Variants in PRKN observed in about 807,000 individuals in gnomAD.
The protein encoded by PRKN is parkin RBR E3 ubiquitin protein ligase.
In PRKN, 56 loss-of-function variants were observed where a neutral mutation model predicts 59.5. The observed-to-expected ratio is 0.94, with a 90% CI of 0.76 to 1.18. The LOEUF (loss-of-function observed/expected upper bound fraction) is 1.18, where lower values mean the gene tolerates loss of function less well. Ranked by LOEUF, PRKN falls within the 50% of genes most tolerant of loss-of-function variation. The pLI is 0.00. For synonymous variants in PRKN, 250 were observed against 222.1 expected, an observed-to-expected ratio of 1.13 and a Z score of -1.12; for missense variants, 657 against 596.4, an observed-to-expected ratio of 1.10 and a Z score of -1.06.
At chr6:162,212,153 CA>C (rs1785229415) in intron 3 of PRKN, among the ~76,000 whole-genome samples, 1 of 152,102 alleles carries the variant, frequency 6.6e-6, no homozygotes. Flanking sequence ...AGACCTCACT[CA>C]GGGGCCGCCT....
intron 1 of PRKN, among the ~76,000 whole-genome samples, chr6:162,542,050 C>T (rs989578717): frequency 1.3e-5 from 2 of 152,070 alleles, no homozygotes; most frequent in Non-Finnish European, 2.9e-5. Context: ...ATATTGACTG[C>T]AGAAGTGATA....
At chr6:161,508,649 T>C (rs1218762631) in intron 9 of PRKN, among the ~76,000 whole-genome samples, 1 of 152,120 alleles carries the variant, frequency 6.6e-6, no homozygotes, top group East Asian at 1.9e-4. Context: ...ACTTCATAAA[T>C]CCAATTCCTC....
At chr6:162,227,240 C>G (rs1410274926) in intron 3 of PRKN, among the ~76,000 whole-genome samples, 1 of 152,188 alleles carries the variant, frequency 6.6e-6, no homozygotes, top group African/African-American at 2.4e-5. Flanking sequence ...CATCCACACC[C>G]TTTACTCATT....
chr6:161,943,479 G>A (rs1779640082), intron 6 of PRKN, among the ~76,000 whole-genome samples: 1 of 152,284 alleles, frequency 6.6e-6, no homozygotes, highest in Non-Finnish European at 1.5e-5. Flanking sequence ...ATATTTTGAA[G>A]GAATATAACA....
chr6:162,309,185 G>C (rs1413553818), intron 2 of PRKN, among the ~76,000 whole-genome samples: 1 of 152,030 alleles, frequency 6.6e-6, no homozygotes, highest in African/African-American at 2.4e-5. Flanking sequence ...CACAACAACA[G>C]AGTCTCACTC....
intron 2 of PRKN, among the ~76,000 whole-genome samples, chr6:162,437,017 G>A (rs1261456957): frequency 3.3e-5 from 5 of 152,002 alleles, no homozygotes; most frequent in South Asian, 2.1e-4. Flanking sequence ...GCTTGAACCC[G>A]GGAGGCGGAG....
chr6:161,879,979 A>T (rs1438503414), intron 6 of PRKN, among the ~76,000 whole-genome samples: 1 of 152,166 alleles, frequency 6.6e-6, no homozygotes, highest in Non-Finnish European at 1.5e-5. Context: ...GAATAAAGGA[A>T]ATTCTGTCAA....
chr6:161,893,886 C>T (rs1013650797), intron 6 of PRKN, among the ~76,000 whole-genome samples: 3 of 152,166 alleles, frequency 2.0e-5, no homozygotes, highest in Non-Finnish European at 4.4e-5. Context: ...TTCTCCTCGA[C>T]GGATCTGGGT....
At chr6:161,999,877 T>G (rs986617712) in intron 5 of PRKN, among the ~76,000 whole-genome samples, 1 of 152,200 alleles carries the variant, frequency 6.6e-6, no homozygotes, top group East Asian at 1.9e-4. Flanking sequence ...AATGATGAAC[T>G]GAGTTACTAG....
chr6:162,524,645 C>T (rs1174759358), intron 1 of PRKN, among the ~76,000 whole-genome samples: 1 of 152,156 alleles, frequency 6.6e-6, no homozygotes, highest in Non-Finnish European at 1.5e-5. Context: ...TAGCTACATA[C>T]AATTCATTTA....
intron 2 of PRKN, among the ~76,000 whole-genome samples, chr6:162,367,795 G>A (rs1279089582): frequency 1.3e-5 from 2 of 152,114 alleles, no homozygotes; most frequent in East Asian, 1.9e-4. Context: ...AAAAGGGATA[G>A]AATGAGATTA....
chr6:161,760,458 G>A lies in PRKN; in HGVS notation c.871+25314C>T, dbSNP rs189509325. Among the ~76,000 whole-genome samples, 986 of 151,796 alleles carry A rather than the reference G, an allele frequency of 6.5e-3. 11 individuals are homozygous for A. Among genetic ancestry groups the A allele is most frequent in the African/African-American group, 0.023 (946 of 41,386 alleles). On this transcript the variant is annotated intron_variant, in intron 7 of 11. Coordinates refer to ENST00000366898, the MANE Select transcript of PRKN (RefSeq NM_004562.3). ...GTTCTAGTGGGACAGCCAGGTGGGA[G>A]GGGGTCCCTGGAGAAACTCCAACCA...
chr6:161,515,457 A>C (rs1325847299), intron 9 of PRKN, among the ~76,000 whole-genome samples: 3 of 152,148 alleles, frequency 2.0e-5, no homozygotes, highest in African/African-American at 7.2e-5. Context: ...TTTAGAGATG[A>C]ATCTTAATTT....
At chr6:162,010,136 T>G (rs9346895) in intron 5 of PRKN, among the ~76,000 whole-genome samples, 2 of 146,794 alleles carry the variant, frequency 1.4e-5, no homozygotes, top group African/African-American at 5.1e-5. Context: ...TGTCACTTCC[T>G]CTGGCTCGTG....
intron 7 of PRKN, among the ~76,000 whole-genome samples, chr6:161,710,868 C>CTTCCTTCCTTCCCCCT (rs1786716282): frequency 2.0e-5 from 1 of 50,220 alleles, no homozygotes; most frequent in Non-Finnish European, 4.4e-5. Context: ...CTTCCCTTTC[C>CTTCCTTCCTTCCCCCT]TTCCTTCCTT....
chr6:162,525,057 T>C lies in PRKN; in HGVS notation c.8-81584A>G, dbSNP rs149646447. ...TCCAAAGACAGGAAGATGAGCAAAG[T>C]GAGAAATAAAATGTCAACTACTTCG... On this transcript the variant is annotated intron_variant, in intron 1 of 11. Transcript: ENST00000366898. 2.6e-3 allele frequency among the ~76,000 whole-genome samples: 400 copies of C among 152,186 alleles called. 17 individuals are homozygous for C. In the East Asian group the frequency reaches 0.064, roughly 24 times the overall value.
chr6:162,215,888 A>G (rs1562587398), intron 3 of PRKN, among the ~76,000 whole-genome samples: 1 of 152,060 alleles, frequency 6.6e-6, no homozygotes, highest in African/African-American at 2.4e-5. Flanking sequence ...TACTAAAAAT[A>G]CAAAAATTAG....
Position 161,995,109 on chromosome 6 carries a change from A to T in PRKN, c.619-21692T>A, listed in dbSNP as rs180832826. 2.3e-3 allele frequency among the ~76,000 whole-genome samples: 350 copies of T among 152,294 alleles called. 3 individuals carry two copies. Among genetic ancestry groups the T allele is most frequent in the Admixed American group, 0.021 (320 of 15,296 alleles). ...AAACATACACATAGAGCAATGGAAC[A>T]AAATAGTGAACCCAGAAATCAATTA... On this transcript the variant is annotated intron_variant, in intron 5 of 11. Coordinates refer to ENST00000366898, the MANE Select transcript of PRKN (RefSeq NM_004562.3).
At chr6:162,575,013 T>C (rs550059813) in intron 1 of PRKN, among the ~76,000 whole-genome samples, 3 of 152,308 alleles carry the variant, frequency 2.0e-5, no homozygotes, top group South Asian at 4.1e-4. Flanking sequence ...CCATCTTTTA[T>C]TTCTATTTGT....
Sources: gnomAD v4.1 joint callset for allele counts (sites outside exome capture counted in the v4.1 genomes callset) on GRCh38, gnomAD v4.1.1 for gene constraint, MANE v1.5 for transcripts, NCBI Gene and HGNC (gene_info 2026-07-23, HGNC 2026-07-21) for gene names.